Variants in STK11IP observed in about 807,000 individuals in gnomAD.
STK11IP encodes serine/threonine kinase 11 interacting protein, also known as serine/threonine-protein kinase 11-interacting protein.
A neutral mutation model predicts 131.7 loss-of-function variants in STK11IP; 103 were observed. The ratio of observed to expected loss-of-function variants is 0.78; its 90% CI spans 0.67 to 0.92. The LOEUF (loss-of-function observed/expected upper bound fraction) is 0.92, where lower values mean the gene tolerates loss of function less well. Ranked by LOEUF, STK11IP falls within the 40% of genes least tolerant of loss-of-function variation. The pLI, the probability that STK11IP is intolerant of heterozygous loss-of-function variation, is 0.00. For synonymous variants in STK11IP, 557 were observed against 575.6 expected (o/e 0.97, Z 0.46); for missense variants, 1,315 against 1,385.7 (o/e 0.95, Z 0.81).
In STK11IP at chr2:219,608,425, T is replaced by A; in HGVS notation, c.1598T>A (p.Val533Glu). ...GAAGAGGAGCAGGACCAGAAGGAAG[T>A]GGAAGGTGAGCCCTTTGTGGGCTGG... is the stretch of plus-strand genomic sequence containing the variant. ...EEEEEQDQKE[V>E]EAELCRPLLV... The change falls in exon 14 of 25, where the codon GTG becomes GAG. Residue 533 changes from valine to glutamate, a missense_variant. Val to Glu is a moderately radical substitution (Grantham distance 121, BLOSUM62 -2). Coordinates refer to ENST00000456909, the MANE Select transcript of STK11IP (RefSeq NM_052902.4). 6.4e-7 allele frequency: 1 copy of A among 1,558,738 alleles called. No homozygotes were observed.
chr2:219,609,987 G>A (rs773215084), intron 17 of STK11IP: 6 of 201,814 alleles, frequency 3.0e-5, no homozygotes, highest in Non-Finnish European at 5.2e-5. Flanking sequence ...TATCCTTCCC[G>A]GCTGACCTTG....
intron 23 of STK11IP, chr2:219,614,838 A>C (rs1698522119): frequency 1.6e-6 from 1 of 629,384 alleles, no homozygotes; most frequent in Admixed American, 2.6e-5. Flanking sequence ...CATCAGTCAC[A>C]GAAGGAGAGG....
chr2:219,602,172 C>T (rs900705285), intron 5 of STK11IP, 89 bp downstream of exon 5: 4 of 955,290 alleles, frequency 4.2e-6, no homozygotes, highest in Non-Finnish European at 6.5e-6. Context: ...TGCAGCTCTC[C>T]CTGCCTCCTG....
Position 219,601,691 on chromosome 2 carries a change from C to G in STK11IP, c.318C>G (p.Pro106=). 6.2e-7 allele frequency: 1 copy of G among 1,606,430 alleles called. No homozygotes were observed. The highest frequency in any genetic ancestry group is 8.5e-7 in the Non-Finnish European group (1 of 1,176,082). The part of the protein sequence containing the change: ...PGPTGPIKIF[P]FKSLRHLELR... ...CCACAGGGCCCATCAAGATTTTCCCCTTCAAATCCCTTCGGCACCTGGAGG... is the reference window on the plus strand; with the variant it reads ...CCACAGGGCCCATCAAGATTTTCCCGTTCAAATCCCTTCGGCACCTGGAGG... The change falls in exon 4 of 25, where the codon CCC becomes CCG. Residue 106 remains proline, a synonymous_variant. Coordinates refer to ENST00000456909, the MANE Select transcript of STK11IP (RefSeq NM_052902.4).
At chr2:219,604,830 CTTT>C (rs1037544901) in intron 7 of STK11IP, among the ~76,000 whole-genome samples, 1 of 141,598 alleles carries the variant, frequency 7.1e-6, no homozygotes, top group Non-Finnish European at 1.6e-5. Context: ...GACTTTTTTC[CTTT>C]TTTTTTTTTT....
At chr2:219,602,634 G>A in intron 6 of STK11IP, 59 bp downstream of exon 6, 1 of 1,611,204 alleles carries the variant, frequency 6.2e-7, no homozygotes, top group Non-Finnish European at 8.5e-7. Flanking sequence ...CTTTGGGGAG[G>A]AGGGCCAGCT....
chr2:219,601,545 G>A lies in STK11IP; in HGVS notation c.268-96G>A, dbSNP rs146329564. Reference sequence around the variant, plus strand: ...AAGTCTGCAGTGCCAGGATCCAGAGGGTGTCAGAGGTACCAGTGGTTGTGC... The same window carrying A: ...AAGTCTGCAGTGCCAGGATCCAGAGAGTGTCAGAGGTACCAGTGGTTGTGC... On this transcript the variant is annotated intron_variant, in intron 3 of 24. Transcript: ENST00000456909. 3.7e-4 allele frequency: 579 copies of A among 1,552,634 alleles called. 1 individual carries two copies. In the African/African-American group the frequency reaches 6.7e-3, roughly 18 times the overall value.
chr2:219,603,899 T>C (rs1030298848), intron 7 of STK11IP, among the ~76,000 whole-genome samples: 2 of 152,054 alleles, frequency 1.3e-5, no homozygotes, highest in African/African-American at 4.8e-5. Context: ...GCCACTTCAA[T>C]TTGTGCAGAG....
At chr2:219,613,658 C>G in intron 20 of STK11IP, 94 bp from the exon 21 acceptor site, 2 of 1,437,016 alleles carry the variant, frequency 1.4e-6, no homozygotes, top group South Asian at 1.2e-5. Context: ...GGGGGTGATG[C>G]AGTGAGTGAG....
intron 12 of STK11IP, 78 bp from the exon 13 acceptor site, chr2:219,606,975 A>G: frequency 6.2e-7 from 1 of 1,605,084 alleles, no homozygotes; most frequent in South Asian, 1.1e-5. Flanking sequence ...GGTTTCTTTG[A>G]TAGGTTGGAT....
rs775754904 is a variant in STK11IP at position 219,608,799 on chromosome 2, C to A, written c.1809+11C>A. 9.5e-6 allele frequency: 15 copies of A among 1,584,976 alleles called. No individual in the cohort carries two copies. The highest frequency in any genetic ancestry group is 4.6e-5 in the East Asian group (2 of 43,598). ...TCGCCCAGGCCCACGGTGAGTGGGG[C>A]GTGGCAGGGTCTCTGGAGGAGCCAG... is the stretch of plus-strand genomic sequence containing the variant. On this transcript the variant is annotated intron_variant, in intron 15 of 24. Transcript: ENST00000456909.
chr2:219,615,104 C>G lies in STK11IP; in HGVS notation c.2880C>G (p.Thr960=). 4 of 1,609,192 alleles carry G rather than the reference C, an allele frequency of 2.5e-6. No individual in the cohort carries two copies. The highest frequency in any genetic ancestry group is 2.2e-5 in the South Asian group (2 of 90,298). ...LRAFLVEGPS[T]CLVSLLLTPS... is the part of the protein sequence containing the mutation. ...CCTCTTTCCCTGCAGGCCCTTCCAC[C>G]TGCCTCGTATCCCTGTTGCTGACTC... Residue 960 remains threonine (T), a synonymous_variant, in exon 24 of 25, where the codon ACC becomes ACG. Coordinates refer to ENST00000456909, the MANE Select transcript of STK11IP (RefSeq NM_052902.4).
chr2:219,608,043 C>G lies in STK11IP; in HGVS notation c.1220-4C>G. Reference sequence around the variant, plus strand: ...GCTCAGTTCTGGGTTCCCCTCCTGCCTAGGATGGTTCGTGCAGCAGCACCC... The same window carrying G: ...GCTCAGTTCTGGGTTCCCCTCCTGCGTAGGATGGTTCGTGCAGCAGCACCC... On this transcript the variant is annotated splice_polypyrimidine_tract_variant and splice_region_variant and intron_variant, in intron 13 of 24. Transcript: ENST00000456909. 1 of 1,610,318 alleles carries G rather than the reference C, an allele frequency of 6.2e-7. No homozygotes were observed. Among genetic ancestry groups the G allele is most frequent in the Non-Finnish European group, 8.5e-7 (1 of 1,178,922 alleles).
At chr2:219,606,428 C>T (rs1322054441) in intron 10 of STK11IP, 48 bp from the exon 11 acceptor site, 4 of 1,592,188 alleles carry the variant, frequency 2.5e-6, no homozygotes, top group Non-Finnish European at 1.7e-6. Context: ...TGGAGCTCAG[C>T]AGGATGGGCC....
chr2:219,606,243 G>A lies in STK11IP; in HGVS notation c.898G>A (p.Ala300Thr). 6.4e-7 allele frequency: 1 copy of A among 1,573,444 alleles called. No homozygotes were observed. The highest frequency in any genetic ancestry group is 8.6e-7 in the Non-Finnish European group (1 of 1,159,266). ...TTGGTTCCACCCTGAGCACCGAGCA[G>A]CCACTGCCCAGTACTTGTCACCCCG... ...PLWFHPEHRA[A>T]TAQYLSPRAR... Residue 300 changes from alanine (A) to threonine (T), a missense_variant, in exon 10 of 25, where the codon GCC (alanine) becomes ACC (threonine). By Grantham distance (58) the Ala-to-Thr change is moderately conservative (BLOSUM62 0). Coordinates refer to ENST00000456909, the MANE Select transcript of STK11IP (RefSeq NM_052902.4).
chr2:219,603,133 C>G (rs1033846389), intron 7 of STK11IP, among the ~76,000 whole-genome samples: 1 of 151,242 alleles, frequency 6.6e-6, no homozygotes, highest in Admixed American at 6.6e-5. Context: ...CCTCTGCCTC[C>G]CAGGTTCAAG....
rs773472469 is a variant in STK11IP at position 219,608,632 on chromosome 2, C to T, written c.1653C>T (p.Gly551=). Reference sequence around the variant, plus strand: ...TGTGTCCCCTGGAGGGGCCTGAGGGCGTACGGGGCAGGGAATGCTTTCTCA... The same window carrying T: ...TGTGTCCCCTGGAGGGGCCTGAGGGTGTACGGGGCAGGGAATGCTTTCTCA... ...LLVCPLEGPE[G]VRGRECFLRV... is the part of the protein sequence containing the mutation. The change falls in exon 15 of 25, where the codon GGC becomes GGT. Residue 551 remains glycine (G), a synonymous_variant. Coordinates refer to ENST00000456909, the MANE Select transcript of STK11IP (RefSeq NM_052902.4). 13 of 1,612,430 alleles carry T rather than the reference C, an allele frequency of 8.1e-6. No homozygotes were observed. The highest frequency in any genetic ancestry group is 1.3e-5 in the African/African-American group (1 of 74,908).
chr2:219,613,522 C>T (rs1311088383), intron 20 of STK11IP, among the ~76,000 whole-genome samples: 61 of 19,218 alleles, frequency 3.2e-3, no homozygotes, highest in African/African-American at 0.015. Flanking sequence ...GAGTGGGGGG[C>T]GGAGATGGGG....
chr2:219,609,040 C>T, intron 15 of STK11IP, 57 bp from the exon 16 acceptor site: 2 of 1,344,910 alleles, frequency 1.5e-6, no homozygotes, highest in Non-Finnish European at 2.1e-6. Flanking sequence ...AGCATCCCCT[C>T]ATCCCTCTGA....
Sources: allele counts gnomAD v4.1 joint callset (sites outside exome capture counted in the v4.1 genomes callset), GRCh38; gene constraint gnomAD v4.1.1; transcripts MANE v1.5; gene names NCBI Gene and HGNC (gene_info 2026-07-23, HGNC 2026-07-21).